Variants in RBFOX1 observed in about 807,000 individuals in gnomAD.
RBFOX1 encodes RNA binding protein fox-1 homolog 1.
Under a neutral mutation model 57.7 loss-of-function variants are expected in RBFOX1, and 8 were observed. The observed-to-expected ratio is 0.14, with a 90% CI of 0.08 to 0.25. RBFOX1 has a LOEUF of 0.25. RBFOX1 is among the 10% of genes least tolerant of loss of function. The pLI, the probability that RBFOX1 is intolerant of heterozygous loss-of-function variation, is 1.00. For synonymous variants in RBFOX1, 326 were observed against 222.4 expected, an observed-to-expected ratio of 1.47 and a Z score of -4.15; for missense variants, 611 against 548.5, an observed-to-expected ratio of 1.11 and a Z score of -1.14.
intron 3 of RBFOX1, among the ~76,000 whole-genome samples, chr16:6,684,550 A>G (rs11859830): frequency 0.15 from 22,836 of 152,136 alleles, 1,859 homozygotes; most frequent in African/African-American, 0.21. Context: ...GGAGCTATCA[A>G]TTACTTCTAG....
intron 3 of RBFOX1, among the ~76,000 whole-genome samples, chr16:6,883,146 G>T (rs555299811): frequency 6.6e-6 from 1 of 152,252 alleles, no homozygotes; most frequent in South Asian, 2.1e-4. Flanking sequence ...GGCAGAGGTG[G>T]GGAGGTAGCC....
chr16:6,643,308 G>C (rs1383352073), intron 2 of RBFOX1, among the ~76,000 whole-genome samples: 1 of 152,182 alleles, frequency 6.6e-6, no homozygotes, highest in Non-Finnish European at 1.5e-5. Flanking sequence ...CAGGTGCTGA[G>C]CTAATTTGTG....
rs114256982 is a variant in RBFOX1, at chr16:5,961,817, C to A, written c.351+94482C>A. On this transcript the variant is annotated intron_variant, in intron 4 of 19. Coordinates refer to the RBFOX1 transcript ENST00000641259. ...CACTGGGGTTGCATGCATGAGTCAT[C>A]ATGTCCCGCCTCCCCTTGTTCTCTA... Among the ~76,000 whole-genome samples, 796 of 152,334 alleles carry A rather than the reference C, an allele frequency of 5.2e-3. 4 individuals carry two copies. Among genetic ancestry groups the A allele is most frequent in the African/African-American group, 0.019 (771 of 41,570 alleles).
intron 3 of RBFOX1, among the ~76,000 whole-genome samples, chr16:6,755,992 G>A (rs1274733757): frequency 6.6e-6 from 1 of 152,130 alleles, no homozygotes; most frequent in Non-Finnish European, 1.5e-5. Flanking sequence ...AGGTCAATAA[G>A]TGCCCACTTC....
intron 1 of RBFOX1, among the ~76,000 whole-genome samples, chr16:5,338,728 A>T (rs1284065600): frequency 6.6e-6 from 1 of 152,148 alleles, no homozygotes; most frequent in African/African-American, 2.4e-5. Context: ...GTGTGATCAT[A>T]GTTCACTGGA....
intron 4 of RBFOX1, among the ~76,000 whole-genome samples, chr16:7,356,169 T>C (rs906997803): frequency 6.6e-6 from 1 of 152,164 alleles, no homozygotes; most frequent in Admixed American, 6.5e-5. Context: ...CTATCAGGCA[T>C]TGATTCCATG....
At chr16:6,785,168 A>G (rs1005543478) in intron 3 of RBFOX1, among the ~76,000 whole-genome samples, 5 of 152,222 alleles carry the variant, frequency 3.3e-5, no homozygotes, top group African/African-American at 1.2e-4. Flanking sequence ...AAAGAGATCT[A>G]CGAGATCTGG....
intron 5 of RBFOX1, among the ~76,000 whole-genome samples, chr16:7,563,108 G>T (rs1490200321): frequency 6.6e-6 from 1 of 152,166 alleles, no homozygotes; most frequent in African/African-American, 2.4e-5. Context: ...CGTAAGATGG[G>T]CACAATATTA....
At chr16:5,895,938 C>A (rs963091494) in intron 4 of RBFOX1, among the ~76,000 whole-genome samples, 1 of 152,142 alleles carries the variant, frequency 6.6e-6, no homozygotes, top group Non-Finnish European at 1.5e-5. Context: ...AGAATGAAGT[C>A]TGTATTCCTG....
intron 1 of RBFOX1, among the ~76,000 whole-genome samples, chr16:6,152,806 A>G (rs76103122): frequency 6.6e-6 from 1 of 152,182 alleles, no homozygotes; most frequent in Non-Finnish European, 1.5e-5. Context: ...ACATCTGTCT[A>G]AAAAAATGCC....
At chr16:6,869,832 C>G (rs1249484880) in intron 3 of RBFOX1, among the ~76,000 whole-genome samples, 1 of 152,116 alleles carries the variant, frequency 6.6e-6, no homozygotes, top group Non-Finnish European at 1.5e-5. Context: ...CATGAGCTGA[C>G]TGCTTCACGG....
intron 3 of RBFOX1, among the ~76,000 whole-genome samples, chr16:5,774,695 G>GT (rs1322910112): frequency 6.6e-6 from 1 of 152,096 alleles, no homozygotes; most frequent in Non-Finnish European, 1.5e-5. Context: ...TATTGGTTTA[G>GT]TTTTTTAGAT....
Position 7,645,166 on chromosome 16 carries a change from A to G in RBFOX1, c.758-8649A>G, listed in dbSNP as rs145538362. 7.9e-5 allele frequency among the ~76,000 whole-genome samples: 12 copies of G among 152,232 alleles called. 1 individual carries two copies. The highest frequency in any genetic ancestry group is 4.2e-4 in the South Asian group (2 of 4,816). ...TTGCCAATTCCTTCGATGCATCCCA[A>G]TCAGACCTATAACAGCCTAGAAACT... is the stretch of plus-strand genomic sequence containing the variant. On this transcript the variant is annotated intron_variant, in intron 11 of 15. Transcript: ENST00000550418.
At chr16:7,158,926 C>G (rs73548666) in intron 4 of RBFOX1, among the ~76,000 whole-genome samples, 20,861 of 151,968 alleles carry the variant, frequency 0.14, 1,740 homozygotes, top group East Asian at 0.32. Context: ...AAACATTTAT[C>G]ACTTGTGTAG....
intron 1 of RBFOX1, among the ~76,000 whole-genome samples, chr16:5,276,370 G>C (rs1209750986): frequency 6.6e-6 from 1 of 152,114 alleles, no homozygotes; most frequent in Non-Finnish European, 1.5e-5. Context: ...CCAAGGACAT[G>C]AATAGGCAGT....
intron 9 of RBFOX1, among the ~76,000 whole-genome samples, chr16:7,601,938 T>A (rs1211750978): frequency 6.6e-6 from 1 of 152,226 alleles, no homozygotes; most frequent in African/African-American, 2.4e-5. Flanking sequence ...ACCTCACTTC[T>A]TTTTGTTTGG....
chr16:5,292,629 G>A (rs79588452), intron 1 of RBFOX1, among the ~76,000 whole-genome samples: 1 of 150,306 alleles, frequency 6.7e-6, no homozygotes, highest in African/African-American at 2.5e-5. Context: ...ATATCAGAGG[G>A]ATTTATTTAT....
intron 3 of RBFOX1, among the ~76,000 whole-genome samples, chr16:6,902,557 A>G (rs1486519159): frequency 6.6e-6 from 1 of 152,120 alleles, no homozygotes; most frequent in Non-Finnish European, 1.5e-5. Context: ...CCCTGTCACT[A>G]CTAAAAATAC....
intron 3 of RBFOX1, among the ~76,000 whole-genome samples, chr16:6,909,881 A>T (rs2071110484): frequency 6.6e-6 from 1 of 152,098 alleles, no homozygotes; most frequent in African/African-American, 2.4e-5. Flanking sequence ...ATTTGCCTGC[A>T]TATCGGTTCC....
Sources: allele counts gnomAD v4.1 joint callset (sites outside exome capture counted in the v4.1 genomes callset), GRCh38; gene constraint gnomAD v4.1.1; transcripts MANE v1.5; gene names NCBI Gene and HGNC (gene_info 2026-07-23, HGNC 2026-07-21).